The following PPP3CA variants were observed in gnomAD, a reference collection of about 807,000 sequenced individuals.
PPP3CA encodes CAM-PRP catalytic subunit.
In PPP3CA, 14 loss-of-function variants were observed where a neutral mutation model predicts 66.5. That is an observed-to-expected ratio of 0.21 (90% CI 0.14 to 0.33). The LOEUF (loss-of-function observed/expected upper bound fraction) is 0.33. Ranked by LOEUF, PPP3CA falls within the 10% of genes least tolerant of loss-of-function variation. PPP3CA has a pLI of 1.00. For missense variants in PPP3CA, 317 were observed against 639.5 expected (o/e 0.50, Z 5.44); for synonymous variants, 232 against 226.2 (o/e 1.03, Z -0.23).
At chr4:101,062,450 T>A (rs6851231) in intron 9 of PPP3CA, among the ~76,000 whole-genome samples, 7 of 151,656 alleles carry the variant, frequency 4.6e-5, no homozygotes, top group African/African-American at 1.5e-4. Context: ...ACTCTGATAC[T>A]TATAGGAACA....
At chr4:101,214,407 TTTATCA>T (rs1391852766) in intron 1 of PPP3CA, among the ~76,000 whole-genome samples, 1 of 152,168 alleles carries the variant, frequency 6.6e-6, no homozygotes, top group African/African-American at 2.4e-5. Flanking sequence ...TCAATAAACA[TTTATCA>T]TTATCATTAT....
intron 10 of PPP3CA, among the ~76,000 whole-genome samples, chr4:101,049,527 A>G (rs1385520003): frequency 6.6e-6 from 1 of 152,112 alleles, no homozygotes; most frequent in African/African-American, 2.4e-5. Context: ...TCTAAAAGGG[A>G]AGCAGTCATA....
Position 101,346,887 on chromosome 4 carries a change from C to CGCG in PPP3CA, c.-92_-91insCGC. 7.2e-7 allele frequency: 1 copy of CGCG among 1,397,702 alleles called. No homozygotes were observed. The highest frequency in any genetic ancestry group is 9.8e-7 in the Non-Finnish European group (1 of 1,015,256). The allele number at this position is 1,397,702 out of a possible 1,614,324, so 86.6% of individuals were successfully genotyped here. A position where few individuals can be genotyped will look rare whatever the true frequency, so the allele number is the denominator to read the frequency against. On this transcript the variant is annotated 5_prime_UTR_variant, in exon 1 of 14. Coordinates refer to ENST00000394854, the MANE Select transcript of PPP3CA (RefSeq NM_000944.5). ...CGGGCCAGACACTCAACGCCGCCGC[C>CGCG]GCCGCCGCCGCCGCCGCGCTGCAAA... is the stretch of plus-strand genomic sequence containing the variant.
rs367576659 is a variant in PPP3CA at position 101,084,796 on chromosome 4, G to GAGAT, written c.783-1537_783-1534dup. 2.1e-3 allele frequency among the ~76,000 whole-genome samples: 324 copies of GAGAT among 152,300 alleles called. 2 individuals carry two copies. Among genetic ancestry groups the GAGAT allele is most frequent in the African/African-American group, 7.3e-3 (303 of 41,554 alleles). On this transcript the variant is annotated intron_variant, in intron 6 of 13. Coordinates refer to ENST00000394854, the MANE Select transcript of PPP3CA (RefSeq NM_000944.5). Reference sequence around the variant, plus strand: ...TTGTAAGAGAAAGGGAGAAAAAGAGGAGATAATCATGGGGCCTCCACTTCC... The same window carrying GAGAT: ...TTGTAAGAGAAAGGGAGAAAAAGAGGAGATAGATAATCATGGGGCCTCCACTTCC...
At chr4:101,213,707 A>G (rs1725374653) in intron 1 of PPP3CA, among the ~76,000 whole-genome samples, 5 of 152,184 alleles carry the variant, frequency 3.3e-5, no homozygotes, top group Admixed American at 2.0e-4. Flanking sequence ...ATAGATTAAG[A>G]GAGTGAAGAA....
chr4:101,185,674 G>C (rs1270636060), intron 2 of PPP3CA, among the ~76,000 whole-genome samples: 33 of 152,150 alleles, frequency 2.2e-4, no homozygotes, highest in Admixed American at 1.9e-3. Context: ...CATTAGTGGA[G>C]AATATTAGGA....
At chr4:101,203,272 G>A (rs1427603421) in intron 1 of PPP3CA, among the ~76,000 whole-genome samples, 3 of 152,242 alleles carry the variant, frequency 2.0e-5, no homozygotes, top group East Asian at 1.9e-4. Context: ...CGAGGTGGGC[G>A]GATCACGAGG....
At chr4:101,188,585 A>G (rs1724488457) in intron 2 of PPP3CA, among the ~76,000 whole-genome samples, 1 of 152,272 alleles carries the variant, frequency 6.6e-6, no homozygotes, top group South Asian at 2.1e-4. Context: ...TCTTTTAGAT[A>G]TGGATTTACA....
chr4:101,050,579 G>T (rs1254824231), intron 10 of PPP3CA, among the ~76,000 whole-genome samples: 1 of 152,128 alleles, frequency 6.6e-6, no homozygotes, highest in Non-Finnish European at 1.5e-5. Context: ...AGATGGTACT[G>T]CTAGTCTCTA....
chr4:101,235,829 T>C (rs1004517094), intron 1 of PPP3CA, among the ~76,000 whole-genome samples: 2 of 151,890 alleles, frequency 1.3e-5, no homozygotes, highest in African/African-American at 4.8e-5. Flanking sequence ...TCATAACAGA[T>C]AATATACCCT....
chr4:101,075,352 T>C (rs73833211), intron 8 of PPP3CA, among the ~76,000 whole-genome samples: 2,665 of 152,320 alleles, frequency 0.017, 82 homozygotes, highest in African/African-American at 0.059. Flanking sequence ...CATTAGACTT[T>C]CCTCTCAAAT....
chr4:101,105,547 AGATTCAG>A (rs1730626940), intron 3 of PPP3CA, among the ~76,000 whole-genome samples: 1 of 152,082 alleles, frequency 6.6e-6, no homozygotes, highest in African/African-American at 2.4e-5. Context: ...TTGAGGACAG[AGATTCAG>A]AAGCCTGCAC....
At chr4:101,275,142 G>A (rs992623631) in intron 1 of PPP3CA, among the ~76,000 whole-genome samples, 2 of 151,936 alleles carry the variant, frequency 1.3e-5, no homozygotes, top group African/African-American at 2.4e-5. Context: ...ATATATTCTT[G>A]CCACGAAGAA....
chr4:101,305,751 T>C (rs749797400), intron 1 of PPP3CA, among the ~76,000 whole-genome samples: 10 of 152,204 alleles, frequency 6.6e-5, no homozygotes, highest in Non-Finnish European at 1.5e-4. Flanking sequence ...CTATTTCAAA[T>C]GCAGAAAACA....
At chr4:101,032,209 T>C (rs1340902096) in intron 12 of PPP3CA, 58 bp downstream of exon 12, 2 of 1,295,244 alleles carry the variant, frequency 1.5e-6, no homozygotes, top group Non-Finnish European at 2.1e-6. Flanking sequence ...ATCAGGGCTC[T>C]AATGACACAG....
intron 2 of PPP3CA, among the ~76,000 whole-genome samples, chr4:101,112,060 T>C (rs1721691836): frequency 6.6e-6 from 1 of 152,150 alleles, no homozygotes; most frequent in African/African-American, 2.4e-5. Flanking sequence ...TCAAGGATAA[T>C]TGATTTTTAC....
intron 8 of PPP3CA, 142 bp downstream of exon 8, chr4:101,080,390 A>T: frequency 2.6e-6 from 1 of 381,370 alleles, no homozygotes; most frequent in Non-Finnish European, 4.6e-6. Flanking sequence ...GAGGATAATC[A>T]CAAAGTATGC....
intron 2 of PPP3CA, among the ~76,000 whole-genome samples, chr4:101,128,327 A>G (rs113609659): frequency 0.04 from 6,068 of 152,236 alleles, 204 homozygotes; most frequent in Middle Eastern, 0.11. Context: ...TATGCTAATT[A>G]CCTTGGTCTG....
Position 101,098,446 on chromosome 4 carries a change from G to C in PPP3CA, c.563C>G (p.Ala188Gly), listed in dbSNP as rs1391497881. The C allele has an allele frequency of 6.2e-7, 1 of 1,612,522 alleles. No homozygotes were observed. Among genetic ancestry groups the C allele is most frequent in the South Asian group, 1.1e-5 (1 of 90,848 alleles). The change falls in exon 5 of 14, where the codon GCT (alanine) becomes GGT (glycine). Residue 188 changes from alanine (A) to glycine (G), a missense_variant. By Grantham distance (60) the Ala-to-Gly change is moderately conservative (BLOSUM62 0). This residue lies in a region of PPP3CA where 201 missense variants were observed against 501.4 expected (regional missense o/e 0.40). Coordinates refer to ENST00000394854, the MANE Select transcript of PPP3CA (RefSeq NM_000944.5). ...CAGGAACTGTTGGTTCATCAGGGCA[G>C]CCAGGGGAAGGCAGTCAAAGGCATC... is the stretch of plus-strand genomic sequence containing the variant. ...CMDAFDCLPL[A>G]ALMNQQFLCV...
Sources: allele counts gnomAD v4.1 joint callset (sites outside exome capture counted in the v4.1 genomes callset), GRCh38; gene constraint gnomAD v4.1.1; regional missense constraint gnomAD v4.1.1; transcripts MANE v1.5; gene names NCBI Gene and HGNC (gene_info 2026-07-23, HGNC 2026-07-21).